Variants in LRP1B observed in about 807,000 individuals in gnomAD.
LRP1B encodes LDL receptor related protein 1B.
LRP1B carries 217 observed loss-of-function variants against 556.6 expected under a neutral mutation model. The ratio of observed to expected loss-of-function variants is 0.39; its 90% confidence interval spans 0.35 to 0.44. The LOEUF (loss-of-function observed/expected upper bound fraction) is 0.44, where lower values mean the gene tolerates loss of function less well. LRP1B is among the 20% of genes least tolerant of loss of function. The pLI is 1.00. For missense variants in LRP1B, 5,053 were observed against 5,620.8 expected (o/e 0.90, Z 3.23); for synonymous variants, 2,047 against 1,865.8 (o/e 1.10, Z -2.50).
At chr2:141,929,366 A>T (rs7563745) in intron 1 of LRP1B, among the ~76,000 whole-genome samples, 17 of 152,220 alleles carry the variant, frequency 1.1e-4, no homozygotes, top group African/African-American at 4.1e-4. Context: ...TAATATTCCT[A>T]TCATCATATA....
chr2:141,304,485 T>C (rs1382210131), intron 3 of LRP1B, among the ~76,000 whole-genome samples: 2 of 142,382 alleles, frequency 1.4e-5, no homozygotes, highest in African/African-American at 5.2e-5. Context: ...ATTTTTTTTT[T>C]TTTTTTTTTT....
intron 3 of LRP1B, among the ~76,000 whole-genome samples, chr2:141,376,556 A>G (rs555846436): frequency 6.6e-6 from 1 of 152,294 alleles, no homozygotes; most frequent in East Asian, 1.9e-4. Context: ...ACCTGCATCT[A>G]GTAAGTCATC....
intron 32 of LRP1B, among the ~76,000 whole-genome samples, chr2:140,779,976 T>C (rs1279217788): frequency 6.7e-6 from 1 of 149,662 alleles, no homozygotes; most frequent in Non-Finnish European, 1.5e-5. Context: ...GAGGCAAGCA[T>C]AAAAAGCTGT....
chr2:140,308,316 G>A (rs1025805836), intron 83 of LRP1B, among the ~76,000 whole-genome samples: 3 of 151,424 alleles, frequency 2.0e-5, no homozygotes, highest in Admixed American at 6.6e-5. Context: ...CTCTAATATT[G>A]GACAGTTATG....
intron 83 of LRP1B, among the ~76,000 whole-genome samples, chr2:140,313,238 A>C (rs1684384005): frequency 6.6e-6 from 1 of 151,972 alleles, no homozygotes; most frequent in Admixed American, 6.6e-5. Context: ...TATGAGAACT[A>C]ATTTACATTA....
chr2:141,737,300 C>G (rs1450889016), intron 2 of LRP1B, among the ~76,000 whole-genome samples: 2 of 152,110 alleles, frequency 1.3e-5, no homozygotes, highest in East Asian at 3.9e-4. Context: ...TGCAGTGAGC[C>G]AAGATCACGC....
chr2:141,362,612 A>G (rs1175546916), intron 3 of LRP1B, among the ~76,000 whole-genome samples: 3 of 152,248 alleles, frequency 2.0e-5, no homozygotes, highest in Non-Finnish European at 2.9e-5. Flanking sequence ...AAATATGCAT[A>G]TGACATTTCT....
At chr2:141,002,019 C>T (rs1335567891) in intron 15 of LRP1B, among the ~76,000 whole-genome samples, 1 of 152,084 alleles carries the variant, frequency 6.6e-6, no homozygotes, top group African/African-American at 2.4e-5. Context: ...TGTTCAAAGT[C>T]ATGCTTAATC....
At chr2:140,779,989 A>C (rs149077131) in intron 32 of LRP1B, among the ~76,000 whole-genome samples, 2,277 of 152,086 alleles carry the variant, frequency 0.015, 54 homozygotes, top group African/African-American at 0.052. Context: ...AAAGCTGTCT[A>C]TATTGGATCA....
At chr2:140,518,126 C>T (rs971189989) in intron 49 of LRP1B, among the ~76,000 whole-genome samples, 1 of 152,116 alleles carries the variant, frequency 6.6e-6, no homozygotes, top group African/African-American at 2.4e-5. Flanking sequence ...ATCCCAATCA[C>T]ACTATAATGG....
chr2:140,887,844 C>A (rs1171170980), intron 23 of LRP1B, among the ~76,000 whole-genome samples: 5 of 151,998 alleles, frequency 3.3e-5, no homozygotes, highest in African/African-American at 1.2e-4. Context: ...CCAGAATAGG[C>A]AAATCTTTAG....
chr2:141,551,841 T>A (rs1222598542), intron 2 of LRP1B, among the ~76,000 whole-genome samples: 1 of 152,052 alleles, frequency 6.6e-6, no homozygotes, highest in Non-Finnish European at 1.5e-5. Flanking sequence ...AACACCCCAT[T>A]ATTTTCCACA....
intron 6 of LRP1B, among the ~76,000 whole-genome samples, chr2:141,207,655 ATGTTTT>A (rs68129080): frequency 0.5 from 74,804 of 150,480 alleles, 20,055 homozygotes; most frequent in Middle Eastern, 0.67. Context: ...TGTGGGGAGC[ATGTTTT>A]TGTTTTTGTT....
chr2:141,797,688 G>A (rs1392725291), intron 2 of LRP1B, among the ~76,000 whole-genome samples: 1 of 152,118 alleles, frequency 6.6e-6, no homozygotes, highest in Admixed American at 6.6e-5. Context: ...TTACAGCTAT[G>A]CCTTATGTTC....
intron 3 of LRP1B, among the ~76,000 whole-genome samples, chr2:141,399,780 T>C (rs929257970): frequency 2.0e-5 from 3 of 152,186 alleles, no homozygotes; most frequent in Admixed American, 6.5e-5. Flanking sequence ...TTTGGCGAGA[T>C]AGAAATAGAA....
chr2:140,495,188 T>A (rs924452211), intron 56 of LRP1B, among the ~76,000 whole-genome samples: 1 of 152,166 alleles, frequency 6.6e-6, no homozygotes, highest in African/African-American at 2.4e-5. Flanking sequence ...CATATATGTA[T>A]GTATGTATGG....
At chr2:140,425,707 T>C (rs1399325882) in intron 66 of LRP1B, among the ~76,000 whole-genome samples, 1 of 152,178 alleles carries the variant, frequency 6.6e-6, no homozygotes, top group Non-Finnish European at 1.5e-5. Context: ...TACCCGTCCC[T>C]GTTCACCCAT....
intron 1 of LRP1B, among the ~76,000 whole-genome samples, chr2:141,886,054 T>G (rs895022437): frequency 6.6e-6 from 1 of 152,126 alleles, no homozygotes; most frequent in Non-Finnish European, 1.5e-5. Flanking sequence ...ATTAAAGATG[T>G]GAAGAAAACC....
chr2:140,520,860 C>A (rs1488400699), intron 49 of LRP1B, among the ~76,000 whole-genome samples: 3 of 118,272 alleles, frequency 2.5e-5, no homozygotes, highest in Non-Finnish European at 5.5e-5. Context: ...TAAGAAAGAA[C>A]TAAACAGAAC....
Sources: allele counts gnomAD v4.1 joint callset (sites outside exome capture counted in the v4.1 genomes callset), GRCh38; gene constraint gnomAD v4.1.1; transcripts MANE v1.5; gene names NCBI Gene and HGNC (gene_info 2026-07-23, HGNC 2026-07-21).